The following DOCK1 variants were observed in gnomAD, a reference collection of about 807,000 sequenced individuals.
The protein encoded by DOCK1 is dedicator of cytokinesis protein 1.
In DOCK1, 138 loss-of-function variants were observed where a neutral mutation model predicts 262.7. The ratio of observed to expected loss-of-function variants is 0.53; its 90% confidence interval spans 0.46 to 0.61. The LOEUF (loss-of-function observed/expected upper bound fraction) is 0.61, where lower values mean the gene tolerates loss of function less well. Among genes scored for constraint, DOCK1 ranks in the 20% least tolerant of loss-of-function variants. The probability of loss-of-function intolerance (pLI) is 0.00; values close to 1 mark genes in which losing one functional copy is unlikely to be tolerated. For synonymous variants in DOCK1, 866 were observed against 867.4 expected (o/e 1.00, Z 0.03); for missense variants, 1,908 against 2,370.7 (o/e 0.80, Z 4.05).
intron 5 of DOCK1, 127 bp downstream of exon 5, chr10:126,987,744 A>T: frequency 2.2e-6 from 2 of 914,164 alleles, no homozygotes; most frequent in Non-Finnish European, 3.3e-6. Context: ...ACAGAGTTTT[A>T]CTCGGAATTG....
chr10:126,974,924 GA>G (rs1466952255), intron 2 of DOCK1, among the ~76,000 whole-genome samples: 1 of 152,070 alleles, frequency 6.6e-6, no homozygotes, highest in Non-Finnish European at 1.5e-5. Flanking sequence ...GCCATTAGAA[GA>G]GGAATCGACT....
intron 23 of DOCK1, among the ~76,000 whole-genome samples, chr10:127,067,060 A>T (rs565351771): frequency 6.6e-6 from 1 of 152,382 alleles, no homozygotes; most frequent in Admixed American, 6.5e-5. Flanking sequence ...TGCCGACATT[A>T]TCCCTGGTGG....
At chr10:127,402,697 A>T (rs778732869) in intron 38 of DOCK1, 9 of 528,210 alleles carry the variant, frequency 1.7e-5, no homozygotes, top group African/African-American at 7.6e-5. Context: ...TCTTCACCCT[A>T]CGGTTCCTTT....
At chr10:126,933,970 A>G (rs984461356) in intron 1 of DOCK1, among the ~76,000 whole-genome samples, 2 of 151,916 alleles carry the variant, frequency 1.3e-5, no homozygotes, top group East Asian at 1.9e-4. Context: ...ACCCACCACC[A>G]TGCCCAGCTA....
chr10:127,433,167 A>G, intron 47 of DOCK1, 116 bp from the exon 48 acceptor site: 1 of 1,394,952 alleles, frequency 7.2e-7, no homozygotes, highest in Non-Finnish European at 9.9e-7. Flanking sequence ...TGTTTACAGA[A>G]GTCTGAACGA....
chr10:127,083,101 C>T (rs967327105), intron 23 of DOCK1, among the ~76,000 whole-genome samples: 7 of 152,194 alleles, frequency 4.6e-5, no homozygotes, highest in Non-Finnish European at 8.8e-5. Flanking sequence ...ACCATGTTTT[C>T]ATTAAACACA....
At chr10:127,306,411 G>A (rs2061877942) in intron 29 of DOCK1, among the ~76,000 whole-genome samples, 2 of 152,124 alleles carry the variant, frequency 1.3e-5, no homozygotes, top group Admixed American at 6.5e-5. Context: ...AGGTTTCCAC[G>A]TTCACCGATT....
intron 27 of DOCK1, among the ~76,000 whole-genome samples, chr10:127,133,103 T>C (rs1195962208): frequency 1.3e-5 from 2 of 152,204 alleles, no homozygotes; most frequent in African/African-American, 4.8e-5. Context: ...TGTTTCATTG[T>C]GACAACAGCA....
chr10:126,957,134 C>T (rs903618124), intron 1 of DOCK1, among the ~76,000 whole-genome samples: 1 of 152,168 alleles, frequency 6.6e-6, no homozygotes, highest in African/African-American at 2.4e-5. Context: ...ACAGAGGGCT[C>T]GATTGGTTTT....
At chr10:127,152,458 C>G (rs1402550746) in intron 27 of DOCK1, among the ~76,000 whole-genome samples, 1 of 152,238 alleles carries the variant, frequency 6.6e-6, no homozygotes, top group Non-Finnish European at 1.5e-5. Flanking sequence ...CCATGCCAGG[C>G]TGCTGCAGGG....
chr10:127,198,702 AC>A (rs1214575223), intron 27 of DOCK1, among the ~76,000 whole-genome samples: 1 of 151,778 alleles, frequency 6.6e-6, no homozygotes, highest in African/African-American at 2.4e-5. Flanking sequence ...TAGTAGACTT[AC>A]AGTTGTTTTG....
chr10:127,328,584 A>AGGACGGCAG (rs997961126), intron 29 of DOCK1, among the ~76,000 whole-genome samples: 2 of 151,874 alleles, frequency 1.3e-5, no homozygotes, highest in Admixed American at 6.6e-5. Flanking sequence ...AGGGACAGCA[A>AGGACGGCAG]GGACGGCAGG....
At chr10:126,994,017 A>T (rs2039992988) in intron 6 of DOCK1, among the ~76,000 whole-genome samples, 1 of 152,210 alleles carries the variant, frequency 6.6e-6, no homozygotes, top group Non-Finnish European at 1.5e-5. Flanking sequence ...CATTCTTTCA[A>T]ATGACTCTGT....
rs571121927 is a variant in DOCK1, at chr10:126,924,305, G to A, written c.46+18742G>A. 9.7e-5 allele frequency among the ~76,000 whole-genome samples: 13 copies of A among 134,480 alleles called. No individual in the cohort carries two copies. The East Asian group carries it at 3.0e-3, about 31-fold the overall frequency. 88.2% of individuals were successfully genotyped at this position (134,480 alleles called of 152,430 possible). ...TGAGTGCTGGAACTCAGTAGGGGGAGGCTGTGAGTGCTGGAACTCAGTAGG... is the reference window on the plus strand; with the variant it reads ...TGAGTGCTGGAACTCAGTAGGGGGAAGCTGTGAGTGCTGGAACTCAGTAGG... On this transcript the variant is annotated intron_variant, in intron 1 of 51. Coordinates refer to ENST00000623213, the MANE Select transcript of DOCK1 (RefSeq NM_001290223.2).
At chr10:127,407,710 G>T (rs1432480330) in intron 40 of DOCK1, among the ~76,000 whole-genome samples, 1 of 152,164 alleles carries the variant, frequency 6.6e-6, no homozygotes, top group Non-Finnish European at 1.5e-5. Flanking sequence ...GTCCAGGAAT[G>T]ACTGCAGATG....
intron 40 of DOCK1, among the ~76,000 whole-genome samples, chr10:127,407,718 A>T (rs907224730): frequency 6.6e-6 from 1 of 152,124 alleles, no homozygotes; most frequent in Admixed American, 6.5e-5. Flanking sequence ...ATGACTGCAG[A>T]TGGGGCAGGG....
intron 1 of DOCK1, among the ~76,000 whole-genome samples, chr10:126,969,736 A>G (rs1053272445): frequency 2.0e-5 from 3 of 151,940 alleles, no homozygotes; most frequent in African/African-American, 7.2e-5. Flanking sequence ...AGTAGAAGCA[A>G]GGGCCCAGGG....
At chr10:127,331,304 CAG>C (rs1221440375) in intron 29 of DOCK1, among the ~76,000 whole-genome samples, 43 of 152,198 alleles carry the variant, frequency 2.8e-4, no homozygotes, top group African/African-American at 2.6e-4. Flanking sequence ...TGTTTTTAGA[CAG>C]AGTCTTGCTC....
intron 1 of DOCK1, among the ~76,000 whole-genome samples, chr10:126,965,955 A>G (rs891472435): frequency 4.3e-4 from 65 of 152,326 alleles, no homozygotes; most frequent in African/African-American, 1.4e-3. Flanking sequence ...ATAGATCACT[A>G]GAACTTAATT....
Sources: allele counts gnomAD v4.1 joint callset (sites outside exome capture counted in the v4.1 genomes callset), GRCh38; gene constraint gnomAD v4.1.1; transcripts MANE v1.5; gene names NCBI Gene and HGNC (gene_info 2026-07-23, HGNC 2026-07-21).